The following WT1 variants were observed in gnomAD, a reference collection of about 807,000 sequenced individuals.
WT1 encodes the protein Wilms tumor protein.
In WT1, 8 loss-of-function variants were observed where a neutral mutation model predicts 60.8. The observed-to-expected ratio is 0.13, with a 90% CI of 0.08 to 0.24. The LOEUF (loss-of-function observed/expected upper bound fraction) is 0.24. Among genes scored for constraint, WT1 ranks in the 10% least tolerant of loss-of-function variants. WT1 has a pLI of 1.00. For synonymous variants in WT1, 312 were observed against 297.1 expected, an observed-to-expected ratio of 1.05 and a Z score of -0.52; for missense variants, 568 against 711.8, an observed-to-expected ratio of 0.80 and a Z score of 2.30.
At chr11:32,430,911 C>T in intron 1 of WT1, 1 of 1,093,150 alleles carries the variant, frequency 9.1e-7, no homozygotes, top group Non-Finnish European at 1.1e-6. Context: ...TGGCCTGGCG[C>T]GGAGAGTGCG....
chr11:32,434,642 GC>G, intron 1 of WT1, 57 bp downstream of exon 1: 1 of 1,610,806 alleles, frequency 6.2e-7, no homozygotes, highest in Non-Finnish European at 8.5e-7. Context: ...GTGTCCTAGA[GC>G]GGAGAGTCCC....
chr11:32,419,925 C>T (rs1852800226), intron 3 of WT1, among the ~76,000 whole-genome samples: 1 of 152,190 alleles, frequency 6.6e-6, no homozygotes, highest in African/African-American at 2.4e-5. Context: ...AACTCCTAAC[C>T]TCAGGTGATC....
At chr11:32,405,140 C>T (rs957418179) in intron 5 of WT1, among the ~76,000 whole-genome samples, 9 of 152,192 alleles carry the variant, frequency 5.9e-5, no homozygotes, top group South Asian at 2.1e-4. Context: ...AAAATGAAGG[C>T]GACCCTAAAG....
intron 5 of WT1, among the ~76,000 whole-genome samples, chr11:32,414,550 T>C (rs1329722171): frequency 6.6e-6 from 1 of 152,180 alleles, no homozygotes; most frequent in African/African-American, 2.4e-5. Flanking sequence ...GCTGGGATTA[T>C]AGGCGTGAGC....
chr11:32,434,683 CTCCCCG>C lies in WT1; in HGVS notation c.661+11_661+16del. 1 of 1,612,654 alleles carries C rather than the reference CTCCCCG, an allele frequency of 6.2e-7. No individual in the cohort carries two copies. Among genetic ancestry groups the C allele is most frequent in the Non-Finnish European group, 8.5e-7 (1 of 1,179,918 alleles). ...GCCACTGCCCCGCGCGTAGGGGGCGCTCCCCGGCCTACTTACCCTGATTGCGAATAG... is the reference window on the plus strand; with the variant it reads ...GCCACTGCCCCGCGCGTAGGGGGCGCGCCTACTTACCCTGATTGCGAATAG... On this transcript the variant is annotated intron_variant, in intron 1 of 9. Transcript: ENST00000452863.
intron 5 of WT1, 134 bp from the exon 6 acceptor site, chr11:32,400,178 A>G: frequency 2.8e-6 from 3 of 1,061,276 alleles, no homozygotes; most frequent in Non-Finnish European, 4.3e-6. Flanking sequence ...GCCTCCCTCC[A>G]TGGGGCCACT....
intron 7 of WT1, among the ~76,000 whole-genome samples, chr11:32,393,405 A>C (rs917752037): frequency 1.3e-5 from 2 of 152,158 alleles, no homozygotes; most frequent in African/African-American, 4.8e-5. Context: ...GAGAAGCCTC[A>C]CCCCTGTCCT....
intron 5 of WT1, among the ~76,000 whole-genome samples, chr11:32,409,886 C>T (rs1852441077): frequency 6.6e-6 from 1 of 151,822 alleles, no homozygotes; most frequent in African/African-American, 2.4e-5. Context: ...TGTCCCCTCC[C>T]ATTGACCATT....
At chr11:32,434,584 G>T in intron 1 of WT1, 116 bp downstream of exon 1, 1 of 1,554,996 alleles carries the variant, frequency 6.4e-7, no homozygotes, top group South Asian at 1.2e-5. Flanking sequence ...CACGGCCCTT[G>T]GGAAGCAGCT....
intron 3 of WT1, among the ~76,000 whole-genome samples, chr11:32,417,958 T>C (rs1852731939): frequency 6.6e-6 from 1 of 151,768 alleles, no homozygotes; most frequent in Non-Finnish European, 1.5e-5. Flanking sequence ...CTAAGGGGAG[T>C]GAAACTTTGA....
At chr11:32,419,454 G>C (rs541252212) in intron 3 of WT1, among the ~76,000 whole-genome samples, 1 of 152,238 alleles carries the variant, frequency 6.6e-6, no homozygotes, top group Non-Finnish European at 1.5e-5. Flanking sequence ...AGCCCCAGTT[G>C]ACAATTTTCC....
rs866140751 is a variant in WT1 at position 32,389,299 on chromosome 11, C to T, written c.1448-120G>A. The T allele has an allele frequency of 2.1e-5, 32 of 1,536,156 alleles. No individual in the cohort carries two copies. In the Middle Eastern group the frequency reaches 5.3e-4, roughly 25 times the overall value. On this transcript the variant is annotated intron_variant, in intron 9 of 9. Coordinates refer to ENST00000452863, the MANE Select transcript of WT1 (RefSeq NM_024426.6). The stretch of plus-strand genomic sequence containing the variant: ...ACTCTGAATTTCCCATCATTCTGTC[C>T]CTGAGCTAACCAACTGAGCTCATTT...
At position 32,390,970 on chromosome 11, in the gene WT1, TTTG is replaced by T. The variant is rs759770529; in HGVS notation, c.1447+999_1447+1001del. Among the ~76,000 whole-genome samples the T allele has an allele frequency of 1.3e-4, 17 of 127,516 alleles. No homozygotes were observed. The East Asian group carries it at 4.4e-3, about 33-fold the overall frequency. The allele number at this position is 127,516 out of a possible 152,430, so 83.7% of individuals were successfully genotyped here. A position where few individuals can be genotyped will look rare whatever the true frequency, so the allele number is the denominator to read the frequency against. ...ATAAAACATGCCTACCTCATTTTTT[TTTG>T]TTTGTTTTGTTTTGTTTTGTTTTGA... On this transcript the variant is annotated intron_variant, in intron 9 of 9. Transcript: ENST00000452863.
At chr11:32,432,660 A>G (rs1191353209) in intron 1 of WT1, among the ~76,000 whole-genome samples, 1 of 152,126 alleles carries the variant, frequency 6.6e-6, no homozygotes, top group Non-Finnish European at 1.5e-5. Flanking sequence ...CTTTTTCTCC[A>G]TGGCAGCCAC....
chr11:32,429,652 T>C (rs1262150307), intron 1 of WT1, among the ~76,000 whole-genome samples: 5 of 152,176 alleles, frequency 3.3e-5, no homozygotes, highest in Non-Finnish European at 5.9e-5. Flanking sequence ...GGATGGGGTC[T>C]CATTCCTCTA....
In WT1 at chr11:32,417,563, A is replaced by C; in HGVS notation, c.965+14T>G. 2 of 1,609,570 alleles carry C rather than the reference A, an allele frequency of 1.2e-6. No homozygotes were observed. Among genetic ancestry groups the C allele is most frequent in the Non-Finnish European group, 1.7e-6 (2 of 1,175,884 alleles). ...AGTTACTGTGGAAAGGCAATGGAAT[A>C]GAGAAAACCTTACCCCTTTAAGGTG... On this transcript the variant is annotated intron_variant, in intron 4 of 9. Transcript: ENST00000452863.
At chr11:32,427,432 G>A (rs1008220030) in intron 3 of WT1, among the ~76,000 whole-genome samples, 18 of 152,208 alleles carry the variant, frequency 1.2e-4, no homozygotes, top group Admixed American at 2.6e-4. Flanking sequence ...CCTGCACCCC[G>A]GCCGGGGGCC....
intron 1 of WT1, chr11:32,430,428 GAC>G (rs1853242818): frequency 4.3e-6 from 6 of 1,382,910 alleles, no homozygotes; most frequent in Admixed American, 4.1e-5. Flanking sequence ...AAGAGAGACA[GAC>G]ACAGAGAGAG....
chr11:32,400,344 C>T, intron 5 of WT1: 2 of 471,974 alleles, frequency 4.2e-6, no homozygotes, highest in South Asian at 4.1e-5. Flanking sequence ...GTTTCATCCT[C>T]GGCAAGTTGT....
Sources: gnomAD v4.1 joint callset for allele counts (sites outside exome capture counted in the v4.1 genomes callset) on GRCh38, gnomAD v4.1.1 for gene constraint, MANE v1.5 for transcripts, NCBI Gene and HGNC (gene_info 2026-07-23, HGNC 2026-07-21) for gene names.